Variants in EPHB1 observed in about 807,000 individuals in gnomAD.
EPHB1 encodes the protein ephrin type-B receptor 1.
In EPHB1, 30 loss-of-function variants were observed where a neutral mutation model predicts 94.4. That is an observed-to-expected ratio of 0.32 (90% CI 0.24 to 0.43). The LOEUF (loss-of-function observed/expected upper bound fraction) is 0.43. Ranked by LOEUF, EPHB1 falls within the 20% of genes least tolerant of loss-of-function variation. The pLI is 1.00. For missense variants in EPHB1, 1,055 were observed against 1,308.3 expected (o/e 0.81, Z 2.99); for synonymous variants, 522 against 489.1 (o/e 1.07, Z -0.89).
At chr3:134,989,051 G>A (rs763189297) in intron 3 of EPHB1, among the ~76,000 whole-genome samples, 2 of 152,160 alleles carry the variant, frequency 1.3e-5, no homozygotes, top group Non-Finnish European at 2.9e-5. Context: ...TTTTAAGGGA[G>A]CTAAGAATTG....
In EPHB1 at chr3:135,248,298, C is replaced by G. The variant is rs1204575003; in HGVS notation, c.2497-18C>G. On this transcript the variant is annotated intron_variant, in intron 13 of 15. Coordinates refer to ENST00000398015, the MANE Select transcript of EPHB1 (RefSeq NM_004441.5). ...TGGCAGTCACTCAATCACACCTGTTCCCTGTATGTCACTGCAGGTCATCAA... is the reference window on the plus strand; with the variant it reads ...TGGCAGTCACTCAATCACACCTGTTGCCTGTATGTCACTGCAGGTCATCAA... 1 of 1,550,348 alleles carries G rather than the reference C, an allele frequency of 6.5e-7. No homozygotes were observed. The highest frequency in any genetic ancestry group is 1.4e-5 in the African/African-American group (1 of 73,938).
chr3:134,883,005 C>G (rs1008935383), intron 1 of EPHB1, among the ~76,000 whole-genome samples: 1 of 151,626 alleles, frequency 6.6e-6, no homozygotes, highest in Non-Finnish European at 1.5e-5. Context: ...TGTATTTTTA[C>G]TAGAGATGGG....
intron 12 of EPHB1, among the ~76,000 whole-genome samples, chr3:135,216,614 T>C (rs1160111942): frequency 1.3e-5 from 2 of 151,078 alleles, no homozygotes; most frequent in Non-Finnish European, 2.9e-5. Context: ...TCCCAGCTAC[T>C]TGAGAGGCTG....
At chr3:135,172,794 T>A (rs1474876923) in intron 9 of EPHB1, among the ~76,000 whole-genome samples, 1 of 152,226 alleles carries the variant, frequency 6.6e-6, no homozygotes, top group Non-Finnish European at 1.5e-5. Context: ...CGGGGGCTTA[T>A]TAAATGTCAA....
Position 135,259,811 on chromosome 3 carries a change from GA to G in EPHB1, c.*700del, listed in dbSNP as rs59196356. The G allele has an allele frequency of 4.0e-4, 86 of 214,880 alleles. No homozygotes were observed. Among genetic ancestry groups the G allele is most frequent in the African/African-American group, 1.5e-3 (68 of 44,250 alleles). 13.3% of individuals were successfully genotyped at this position (214,880 alleles called of 1,614,324 possible). A position where few individuals can be genotyped will look rare whatever the true frequency, so the allele number is the denominator to read the frequency against. The stretch of plus-strand genomic sequence containing the variant: ...AAGGAAAAAGAAACCACAAATTGGG[GA>G]AAAAAAAAGAAGAAAAACCTGTTTC... On this transcript the variant is annotated 3_prime_UTR_variant, in exon 16 of 16. Coordinates refer to ENST00000398015, the MANE Select transcript of EPHB1 (RefSeq NM_004441.5).
intron 1 of EPHB1, among the ~76,000 whole-genome samples, chr3:134,917,176 T>C (rs538908529): frequency 2.6e-4 from 39 of 152,312 alleles, no homozygotes; most frequent in African/African-American, 9.4e-4. Context: ...TAGTTTCTTG[T>C]CATGTTTCTC....
chr3:135,134,512 G>A (rs959513573), intron 5 of EPHB1, among the ~76,000 whole-genome samples: 2 of 152,172 alleles, frequency 1.3e-5, no homozygotes, highest in Admixed American at 1.3e-4. Context: ...TTCATGTGGT[G>A]TGTTTGTATG....
chr3:134,882,818 C>CTTTCT (rs1376052232), intron 1 of EPHB1, among the ~76,000 whole-genome samples: 6 of 114,256 alleles, frequency 5.3e-5, no homozygotes, highest in Non-Finnish European at 5.7e-5. Flanking sequence ...TTCTTTCTTT[C>CTTTCT]TTTCTTTTCT....
intron 1 of EPHB1, among the ~76,000 whole-genome samples, chr3:134,845,615 G>GT (rs34097459): frequency 0.15 from 23,394 of 152,060 alleles, 2,310 homozygotes; most frequent in African/African-American, 0.29. Flanking sequence ...AGAGTCAGGC[G>GT]TGCAGAGAGA....
At chr3:134,964,004 G>A (rs6775121) in intron 3 of EPHB1, among the ~76,000 whole-genome samples, 79 of 152,046 alleles carry the variant, frequency 5.2e-4, no homozygotes, top group Non-Finnish European at 1.0e-3. Context: ...TCACATTCCC[G>A]TTCCTCTACT....
chr3:134,865,703 T>G (rs1349773013), intron 1 of EPHB1, among the ~76,000 whole-genome samples: 1 of 150,016 alleles, frequency 6.7e-6, no homozygotes, highest in East Asian at 1.9e-4. Context: ...GTGACCTGAC[T>G]GGAAAGATTG....
chr3:134,931,096 T>A (rs1014510362), intron 2 of EPHB1, among the ~76,000 whole-genome samples: 1 of 152,246 alleles, frequency 6.6e-6, no homozygotes, highest in African/African-American at 2.4e-5. Context: ...AATTTAGGTT[T>A]ACTGTAACCC....
chr3:134,950,832 G>GA (rs1933000181), intron 2 of EPHB1, among the ~76,000 whole-genome samples: 1 of 152,224 alleles, frequency 6.6e-6, no homozygotes, highest in South Asian at 2.1e-4. Flanking sequence ...TGATGTTATT[G>GA]AAAAAAAGTT....
chr3:135,024,716 G>GA (rs1483957121), intron 3 of EPHB1, among the ~76,000 whole-genome samples: 1 of 151,990 alleles, frequency 6.6e-6, no homozygotes. Flanking sequence ...GTACCAAAAG[G>GA]AAAAAATCAG....
At chr3:134,907,577 C>G (rs777984547) in intron 1 of EPHB1, among the ~76,000 whole-genome samples, 1 of 152,164 alleles carries the variant, frequency 6.6e-6, no homozygotes, top group Non-Finnish European at 1.5e-5. Flanking sequence ...TTGCTGATTG[C>G]CAGTTATCAT....
chr3:134,798,793 T>C (rs2035880185), intron 1 of EPHB1, among the ~76,000 whole-genome samples: 1 of 152,206 alleles, frequency 6.6e-6, no homozygotes, highest in South Asian at 2.1e-4. Context: ...TCTTGTCTTG[T>C]GCCCTTTGGG....
intron 1 of EPHB1, among the ~76,000 whole-genome samples, chr3:134,902,898 AT>A (rs1340265017): frequency 6.6e-6 from 1 of 152,220 alleles, no homozygotes; most frequent in Non-Finnish European, 1.5e-5. Flanking sequence ...TTCCATCTCT[AT>A]AACGGTTAGT....
rs534008254 is a variant in EPHB1 at position 134,987,542 on chromosome 3, G to A, written c.805+35490G>A. 8.5e-5 allele frequency among the ~76,000 whole-genome samples: 13 copies of A among 152,166 alleles called. No individual in the cohort carries two copies. The South Asian group carries it at 2.5e-3, about 29-fold the overall frequency. On this transcript the variant is annotated intron_variant, in intron 3 of 15. Transcript: ENST00000398015. ...TGGGAGGCTGAGGCTGGCGGATCAC[G>A]AGGTCAGGAGATCGAGACCATCCTG...
intron 3 of EPHB1, among the ~76,000 whole-genome samples, chr3:135,087,618 C>T (rs201527864): frequency 2.0e-5 from 3 of 152,032 alleles, no homozygotes; most frequent in African/African-American, 4.8e-5. Flanking sequence ...TAAGTGTAGT[C>T]GGCTCCTCTA....
Sources: gnomAD v4.1 joint callset for allele counts (sites outside exome capture counted in the v4.1 genomes callset) on GRCh38, gnomAD v4.1.1 for gene constraint, MANE v1.5 for transcripts, NCBI Gene and HGNC (gene_info 2026-07-23, HGNC 2026-07-21) for gene names.